The following ZNF148 variants were observed in gnomAD, a reference collection of about 807,000 sequenced individuals.
ZNF148 encodes zinc finger protein 148.
A neutral mutation model predicts 67.7 loss-of-function variants in ZNF148; 7 were observed. The observed-to-expected ratio is 0.10, with a 90% CI of 0.06 to 0.19. ZNF148 has a LOEUF of 0.19. ZNF148 is among the 10% of genes least tolerant of loss of function. The pLI, the probability that ZNF148 is intolerant of heterozygous loss-of-function variation, is 1.00. For missense variants in ZNF148, 583 were observed against 947.1 expected, an observed-to-expected ratio of 0.62 and a Z score of 5.05; for synonymous variants, 333 against 330.7, an observed-to-expected ratio of 1.01 and a Z score of -0.08.
At chr3:125,310,935 T>G in intron 4 of ZNF148, 2 of 210,592 alleles carry the variant, frequency 9.5e-6, no homozygotes, top group Non-Finnish European at 2.0e-5. Context: ...CAGGCTGGTT[T>G]GCAGAGGAAG....
intron 1 of ZNF148, among the ~76,000 whole-genome samples, chr3:125,350,882 T>G (rs74605332): frequency 6.6e-6 from 1 of 152,104 alleles, no homozygotes; most frequent in Non-Finnish European, 1.5e-5. Flanking sequence ...TTCTATAACG[T>G]TGACAACATG....
At position 125,313,509 on chromosome 3, in the gene ZNF148, A is replaced by G. The variant is rs1373907745; in HGVS notation, c.132T>C (p.Asp44=). ...GQSTVSGELQ[D]SVLQDRSMPH... is the part of the protein sequence containing the mutation. The stretch of plus-strand genomic sequence containing the variant: ...GCATACTTCGATCTTGAAGTACTGA[A>G]TCCTGTAGCTCTCCAGACACAGTAG... Residue 44 remains aspartate, a synonymous_variant, in exon 4 of 9, where the codon GAT becomes GAC. Transcript: ENST00000360647. 2.5e-6 allele frequency: 4 copies of G among 1,614,104 alleles called. No individual in the cohort carries two copies.
intron 1 of ZNF148, among the ~76,000 whole-genome samples, chr3:125,335,344 A>G (rs1300876951): frequency 1.3e-5 from 2 of 152,174 alleles, no homozygotes; most frequent in Non-Finnish European, 2.9e-5. Context: ...CTCTCTTTCT[A>G]ATTATGGAAT....
chr3:125,346,187 T>C (rs1197874752), intron 1 of ZNF148, among the ~76,000 whole-genome samples: 2 of 152,186 alleles, frequency 1.3e-5, no homozygotes, highest in South Asian at 2.1e-4. Flanking sequence ...ATCAATATAA[T>C]ACACCACATC....
chr3:125,364,582 T>C (rs899322449), intron 1 of ZNF148, among the ~76,000 whole-genome samples: 5 of 152,132 alleles, frequency 3.3e-5, no homozygotes, highest in Admixed American at 6.5e-5. Flanking sequence ...GACACAGAAA[T>C]TGGGTTCCAC....
chr3:125,310,395 A>C (rs1434083378), intron 4 of ZNF148, among the ~76,000 whole-genome samples: 1 of 152,158 alleles, frequency 6.6e-6, no homozygotes, highest in Non-Finnish European at 1.5e-5. Context: ...AGAAATCTTA[A>C]CAGAAATTTT....
intron 7 of ZNF148, among the ~76,000 whole-genome samples, chr3:125,235,168 C>T (rs904426163): frequency 1.3e-5 from 2 of 152,168 alleles, no homozygotes; most frequent in African/African-American, 2.4e-5. Context: ...CCCTTTCATA[C>T]ATTTAACAAA....
intron 7 of ZNF148, among the ~76,000 whole-genome samples, chr3:125,276,041 C>A (rs1396483035): frequency 6.6e-6 from 1 of 152,146 alleles, no homozygotes; most frequent in South Asian, 2.1e-4. Context: ...TGTTTTTCCA[C>A]AAGAACGTAA....
At chr3:125,322,700 G>C (rs1010267356) in intron 3 of ZNF148, among the ~76,000 whole-genome samples, 2 of 152,156 alleles carry the variant, frequency 1.3e-5, no homozygotes, top group Admixed American at 6.5e-5. Context: ...TCTCAAGATA[G>C]TTTACACAGA....
At chr3:125,339,732 T>C (rs949119575) in intron 1 of ZNF148, among the ~76,000 whole-genome samples, 9 of 152,230 alleles carry the variant, frequency 5.9e-5, no homozygotes, top group African/African-American at 2.2e-4. Flanking sequence ...CCCATAATCA[T>C]ATTATGCCTG....
At chr3:125,325,912 T>C (rs563226385) in intron 2 of ZNF148, among the ~76,000 whole-genome samples, 9 of 152,192 alleles carry the variant, frequency 5.9e-5, no homozygotes, top group African/African-American at 1.4e-4. Context: ...GAGAAAAATC[T>C]TGAAAGCAGG....
At chr3:125,344,606 TCA>T (rs1559771588) in intron 1 of ZNF148, 2 of 783,236 alleles carry the variant, frequency 2.6e-6, no homozygotes, top group African/African-American at 3.4e-5. Context: ...TTTAATCCTG[TCA>T]TAGATGTACC....
At chr3:125,267,276 A>C (rs1937554631) in intron 7 of ZNF148, among the ~76,000 whole-genome samples, 1 of 152,004 alleles carries the variant, frequency 6.6e-6, no homozygotes, top group Admixed American at 6.5e-5. Context: ...AAAAAACAAA[A>C]CTAAAGGCCA....
chr3:125,264,103 C>G (rs747447787), intron 7 of ZNF148, among the ~76,000 whole-genome samples: 1 of 152,248 alleles, frequency 6.6e-6, no homozygotes, highest in Non-Finnish European at 1.5e-5. Flanking sequence ...GGGACCCTTC[C>G]AGACCTTGTC....
At chr3:125,353,712 C>T (rs983161056) in intron 1 of ZNF148, among the ~76,000 whole-genome samples, 1 of 151,946 alleles carries the variant, frequency 6.6e-6, no homozygotes, top group East Asian at 1.9e-4. Context: ...GCCTTGGTCT[C>T]CCATAGTGTA....
intron 3 of ZNF148, among the ~76,000 whole-genome samples, chr3:125,317,660 T>TAGAGAGAGAGAGAGAGAGAGAGAGAG (rs66600598): frequency 6.3e-4 from 39 of 62,140 alleles, no homozygotes; most frequent in African/African-American, 1.2e-3. Context: ...TATATATATA[T>TAGAGAGAGAGAGAGAGAGAGAGAGAG]ATAGAGAGAG....
intron 4 of ZNF148, among the ~76,000 whole-genome samples, chr3:125,309,627 T>G (rs1447505645): frequency 6.6e-6 from 1 of 152,204 alleles, no homozygotes; most frequent in Non-Finnish European, 1.5e-5. Context: ...GACGGGATTA[T>G]GACGGCTATT....
Position 125,229,690 on chromosome 3 carries a change from T to C in ZNF148, c.*2651A>G, listed in dbSNP as rs1458500667. Reference sequence around the variant, plus strand: ...AGAACAATGTGCTCACTTTGAGAAATGAGAAACATGAATTGCAGAAGAATA... The same window carrying C: ...AGAACAATGTGCTCACTTTGAGAAACGAGAAACATGAATTGCAGAAGAATA... On this transcript the variant is annotated 3_prime_UTR_variant, in exon 9 of 9. Transcript: ENST00000360647. 3.3e-5 allele frequency: 5 copies of C among 152,116 alleles called. No homozygotes were observed. Among genetic ancestry groups the C allele is most frequent in the African/African-American group, 9.7e-5 (4 of 41,416 alleles). The allele number at this position is 152,116 out of a possible 1,614,324, so 9.4% of individuals were successfully genotyped here.
chr3:125,234,044 C>T (rs1935972863), intron 8 of ZNF148, 105 bp from the exon 9 acceptor site: 1 of 1,390,426 alleles, frequency 7.2e-7, no homozygotes, highest in Non-Finnish European at 9.6e-7. Context: ...AATGCAATAA[C>T]ATACATAATT....
Sources: gnomAD v4.1 joint callset for allele counts (sites outside exome capture counted in the v4.1 genomes callset) on GRCh38, gnomAD v4.1.1 for gene constraint, MANE v1.5 for transcripts, NCBI Gene and HGNC (gene_info 2026-07-23, HGNC 2026-07-21) for gene names.